The following CDH13 variants were observed in gnomAD, a reference collection of about 807,000 sequenced individuals.
CDH13 encodes the protein cadherin-13.
Under a neutral mutation model 63.8 loss-of-function variants are expected in CDH13, and 24 were observed. The observed-to-expected ratio is 0.38, with a 90% confidence interval of 0.27 to 0.53. The LOEUF is 0.53. CDH13 is among the 20% of genes least tolerant of loss of function. The pLI, the probability that CDH13 is intolerant of heterozygous loss-of-function variation, is 0.85. For missense variants in CDH13, 1,049 were observed against 903.1 expected, an observed-to-expected ratio of 1.16 and a Z score of -2.07; for synonymous variants, 503 against 355.3, an observed-to-expected ratio of 1.42 and a Z score of -4.67.
chr16:83,782,736 G>GAA (rs3055230), intron 12 of CDH13, among the ~76,000 whole-genome samples: 18 of 99,034 alleles, frequency 1.8e-4, no homozygotes, highest in Non-Finnish European at 1.9e-4. Flanking sequence ...ACCCTGTCTC[G>GAA]AAAAAAAAAA....
At chr16:82,823,394 G>A (rs957821744) in intron 1 of CDH13, 1 of 111,126 alleles carries the variant, frequency 9.0e-6, no homozygotes, top group African/African-American at 3.5e-5. Context: ...AATAAAGGCT[G>A]AAGAGATAGG....
intron 2 of CDH13, among the ~76,000 whole-genome samples, chr16:82,876,761 C>G (rs2040520458): frequency 6.6e-6 from 1 of 152,194 alleles, no homozygotes; most frequent in Non-Finnish European, 1.5e-5. Context: ...GTCTAGCAGA[C>G]AGGTATCATG....
In CDH13 at chr16:82,857,272, C is replaced by A. The variant is rs368581984; in HGVS notation, c.46-1090C>A. Among the ~76,000 whole-genome samples, 60 of 152,296 alleles carry A rather than the reference C, an allele frequency of 3.9e-4. 1 individual carries two copies. Among genetic ancestry groups the A allele is most frequent in the African/African-American group, 1.3e-3 (54 of 41,558 alleles). On this transcript the variant is annotated intron_variant, in intron 1 of 13. Coordinates refer to ENST00000567109, the MANE Select transcript of CDH13 (RefSeq NM_001257.5). ...TAACATTACACATTTCATAGGCCTGCTGTGGAGATGATGCATATGGTGAGT... is the reference window on the plus strand; with the variant it reads ...TAACATTACACATTTCATAGGCCTGATGTGGAGATGATGCATATGGTGAGT...
At position 83,497,577 on chromosome 16, in the gene CDH13, G is replaced by C. The variant is rs1459588946; in HGVS notation, c.960+10922G>C. ...CATAATGCTAGATGACGAGTTGGTGGGTGCAGCGCACCAGCATGGCACATG... is the reference window on the plus strand; with the variant it reads ...CATAATGCTAGATGACGAGTTGGTGCGTGCAGCGCACCAGCATGGCACATG... On this transcript the variant is annotated intron_variant, in intron 7 of 13. Coordinates refer to ENST00000567109, the MANE Select transcript of CDH13 (RefSeq NM_001257.5). Among the ~76,000 whole-genome samples, 15 of 151,996 alleles carry C rather than the reference G, an allele frequency of 9.9e-5. No individual in the cohort carries two copies. The East Asian group carries it at 2.7e-3, about 28-fold the overall frequency.
chr16:82,760,933 C>G (rs2034813529), intron 1 of CDH13, among the ~76,000 whole-genome samples: 1 of 151,030 alleles, frequency 6.6e-6, no homozygotes, highest in Non-Finnish European at 1.5e-5. Context: ...TGGCAGGAAG[C>G]CATTCAGGAG....
At chr16:83,143,905 G>C (rs772637001) in intron 4 of CDH13, among the ~76,000 whole-genome samples, 10 of 151,974 alleles carry the variant, frequency 6.6e-5, no homozygotes, top group Non-Finnish European at 1.3e-4. Context: ...TCATACACAG[G>C]CGTGTCCCAG....
chr16:83,294,577 A>C (rs923779079), intron 5 of CDH13, among the ~76,000 whole-genome samples: 5 of 147,876 alleles, frequency 3.4e-5, no homozygotes, highest in Non-Finnish European at 5.9e-5. Context: ...TTCCTGTCTC[A>C]TATAATATAT....
chr16:82,948,777 A>G (rs917541571), intron 2 of CDH13, among the ~76,000 whole-genome samples: 1 of 152,176 alleles, frequency 6.6e-6, no homozygotes, highest in African/African-American at 2.4e-5. Flanking sequence ...ACCAAAAGGT[A>G]CCATATAACT....
chr16:82,631,784 G>A (rs1019267164), intron 1 of CDH13, among the ~76,000 whole-genome samples: 6 of 152,202 alleles, frequency 3.9e-5, no homozygotes, highest in African/African-American at 4.8e-5. Flanking sequence ...GGGGAAGGCA[G>A]GAGAGGAGAA....
chr16:83,043,487 ATGAGTGTG>A (rs1277617498), intron 3 of CDH13, among the ~76,000 whole-genome samples: 177 of 133,340 alleles, frequency 1.3e-3, no homozygotes, highest in Middle Eastern at 3.8e-3. Context: ...AACTGTATAT[ATGAGTGTG>A]TGTGTGTGTG....
At chr16:83,192,781 C>T (rs2038759892) in intron 4 of CDH13, among the ~76,000 whole-genome samples, 1 of 152,120 alleles carries the variant, frequency 6.6e-6, no homozygotes, top group South Asian at 2.1e-4. Context: ...GATGCATGCA[C>T]CAGGCCACTG....
At chr16:83,696,249 A>AT (rs1905385231) in intron 10 of CDH13, among the ~76,000 whole-genome samples, 1 of 152,220 alleles carries the variant, frequency 6.6e-6, no homozygotes, top group South Asian at 2.1e-4. Flanking sequence ...AGAAAACACT[A>AT]TTTTTTTAAA....
chr16:82,970,875 CT>C (rs1908640000), intron 2 of CDH13, among the ~76,000 whole-genome samples: 1 of 152,132 alleles, frequency 6.6e-6, no homozygotes, highest in Non-Finnish European at 1.5e-5. Context: ...TGCAAGAGCA[CT>C]TTTTTACCTT....
chr16:82,847,512 C>T (rs553151468), intron 1 of CDH13, among the ~76,000 whole-genome samples: 5 of 152,210 alleles, frequency 3.3e-5, no homozygotes, highest in African/African-American at 1.2e-4. Flanking sequence ...CATCACATCT[C>T]TTTCTCTTAT....
rs1917338875 is a variant in CDH13, at chr16:83,041,641, T to A, written c.366+9423T>A. On this transcript the variant is annotated intron_variant, in intron 3 of 13. Transcript: ENST00000567109. Reference sequence around the variant, plus strand: ...CCTGGAGCTAATTGCCCCCTGTTTCTACACACATACATTCATGGGGATATT... The same window carrying A: ...CCTGGAGCTAATTGCCCCCTGTTTCAACACACATACATTCATGGGGATATT... Among the ~76,000 whole-genome samples the A allele has an allele frequency of 3.9e-5, 6 of 152,170 alleles. No individual in the cohort carries two copies. In the South Asian group the frequency reaches 1.2e-3, roughly 31 times the overall value.
chr16:83,074,471 T>A (rs898390116), intron 3 of CDH13, among the ~76,000 whole-genome samples: 1 of 152,248 alleles, frequency 6.6e-6, no homozygotes, highest in Non-Finnish European at 1.5e-5. Context: ...GGTGCATGTA[T>A]CCCTTTGATA....
intron 7 of CDH13, among the ~76,000 whole-genome samples, chr16:83,487,586 C>T (rs879638519): frequency 6.6e-6 from 1 of 152,166 alleles, no homozygotes; most frequent in Non-Finnish European, 1.5e-5. Flanking sequence ...GACCTCCAAA[C>T]ACAGCATCCT....
chr16:83,200,325 G>T (rs1033191081), intron 4 of CDH13, among the ~76,000 whole-genome samples: 1 of 152,144 alleles, frequency 6.6e-6, no homozygotes, highest in Non-Finnish European at 1.5e-5. Flanking sequence ...AGCTTGCATC[G>T]ATTGGCTTTT....
chr16:83,283,363 G>T (rs2089230984), intron 5 of CDH13, among the ~76,000 whole-genome samples: 1 of 152,146 alleles, frequency 6.6e-6, no homozygotes, highest in Non-Finnish European at 1.5e-5. Flanking sequence ...GGCCGAGGAG[G>T]GTGGATTGCT....
Sources: gnomAD v4.1 joint callset for allele counts (sites outside exome capture counted in the v4.1 genomes callset) on GRCh38, gnomAD v4.1.1 for gene constraint, MANE v1.5 for transcripts, NCBI Gene and HGNC (gene_info 2026-07-23, HGNC 2026-07-21) for gene names.